KIAA1217: variants seen among roughly 807,000 people sequenced by gnomAD.
KIAA1217 encodes the protein KIAA1217.
A neutral mutation model predicts 163.9 loss-of-function variants in KIAA1217; 88 were observed. The ratio of observed to expected loss-of-function variants is 0.54; its 90% CI spans 0.45 to 0.64. The LOEUF (loss-of-function observed/expected upper bound fraction) is 0.64, where lower values mean the gene tolerates loss of function less well. Among genes scored for constraint, KIAA1217 ranks in the 30% least tolerant of loss-of-function variants. The pLI, the probability that KIAA1217 is intolerant of heterozygous loss-of-function variation, is 0.00. For synonymous variants in KIAA1217, 903 were observed against 923.1 expected, an observed-to-expected ratio of 0.98 and a Z score of 0.39; for missense variants, 2,372 against 2,475.0, an observed-to-expected ratio of 0.96 and a Z score of 0.88.
chr10:23,907,736 A>G (rs1842230593), intron 1 of KIAA1217, among the ~76,000 whole-genome samples: 1 of 152,134 alleles, frequency 6.6e-6, no homozygotes, highest in South Asian at 2.1e-4. Flanking sequence ...GTCTTCTGAA[A>G]CACCCTCACG....
At chr10:23,805,313 A>G (rs879816575) in intron 1 of KIAA1217, among the ~76,000 whole-genome samples, 10 of 152,204 alleles carry the variant, frequency 6.6e-5, no homozygotes, top group Non-Finnish European at 1.5e-4. Flanking sequence ...TCTTACAAAT[A>G]CACCACATGT....
In KIAA1217 at chr10:24,524,603, G is replaced by C; in HGVS notation, c.2737G>C (p.Val913Leu). ...LLNPAQNLPH[V>L]ASSPAVPQEA... The stretch of plus-strand genomic sequence containing the variant: ...GAACCCTGCTCAGAACTTGCCTCAC[G>C]TGGCCAGCTCCCCAGCCGTCCCCCA... The change falls in exon 13 of 21, where the codon GTG becomes CTG. Residue 913 changes from valine to leucine, a missense_variant. By Grantham distance (32) the Val-to-Leu change is conservative (BLOSUM62 1). Coordinates refer to ENST00000376454, the MANE Select transcript of KIAA1217 (RefSeq NM_019590.5). 1 of 1,613,982 alleles carries C rather than the reference G, an allele frequency of 6.2e-7. No individual in the cohort carries two copies. The highest frequency in any genetic ancestry group is 8.5e-7 in the Non-Finnish European group (1 of 1,180,024).
intron 1 of KIAA1217, among the ~76,000 whole-genome samples, chr10:23,722,754 G>A (rs1837938001): frequency 6.6e-6 from 1 of 152,172 alleles, no homozygotes; most frequent in African/African-American, 2.4e-5. Context: ...AGGTCATATA[G>A]TGCTAAGTCA....
chr10:24,472,155 C>T (rs1313907474), intron 5 of KIAA1217, among the ~76,000 whole-genome samples: 1 of 152,118 alleles, frequency 6.6e-6, no homozygotes, highest in Admixed American at 6.5e-5. Flanking sequence ...TCTTCATCCT[C>T]GTCAACTTCA....
intron 1 of KIAA1217, among the ~76,000 whole-genome samples, chr10:23,777,501 G>C (rs1835056960): frequency 6.6e-6 from 1 of 152,204 alleles, no homozygotes; most frequent in Non-Finnish European, 1.5e-5. Flanking sequence ...ACAAGACAGT[G>C]TAAGAAAGGG....
At chr10:24,493,277 C>T (rs900257447) in intron 6 of KIAA1217, among the ~76,000 whole-genome samples, 1 of 152,214 alleles carries the variant, frequency 6.6e-6, no homozygotes, top group Non-Finnish European at 1.5e-5. Flanking sequence ...GACTGAGATC[C>T]GCAGTGAGGA....
At chr10:24,387,491 T>C (rs1363855577) in intron 3 of KIAA1217, among the ~76,000 whole-genome samples, 2 of 152,158 alleles carry the variant, frequency 1.3e-5, no homozygotes, top group African/African-American at 2.4e-5. Flanking sequence ...TGAAAACTGG[T>C]AGAAGACAGG....
chr10:24,420,427 A>G (rs868566334), intron 3 of KIAA1217, among the ~76,000 whole-genome samples: 1 of 151,502 alleles, frequency 6.6e-6, no homozygotes. Context: ...TCCTTGGTAG[A>G]GCATGTGAGT....
At chr10:24,384,779 G>A (rs904284757) in intron 3 of KIAA1217, among the ~76,000 whole-genome samples, 4 of 152,156 alleles carry the variant, frequency 2.6e-5, no homozygotes, top group African/African-American at 2.4e-5. Context: ...CTCGTGATCC[G>A]CCTGCCTTGG....
intron 3 of KIAA1217, among the ~76,000 whole-genome samples, chr10:24,409,790 T>C (rs973317384): frequency 6.6e-6 from 1 of 152,074 alleles, no homozygotes; most frequent in African/African-American, 2.4e-5. Flanking sequence ...CTATCATTCT[T>C]ATGCCTTTAA....
chr10:24,050,364 T>C (rs1384735065), intron 2 of KIAA1217, among the ~76,000 whole-genome samples: 3 of 152,188 alleles, frequency 2.0e-5, no homozygotes, highest in Middle Eastern at 3.2e-3. Flanking sequence ...GGTGTTTTAG[T>C]CATGAAGTCT....
intron 1 of KIAA1217, among the ~76,000 whole-genome samples, chr10:24,000,034 C>A (rs72773134): frequency 3.2e-4 from 49 of 152,266 alleles, no homozygotes; most frequent in Admixed American, 1.1e-3. Flanking sequence ...CCACTGCAGT[C>A]CAGCCTGGGT....
intron 1 of KIAA1217, among the ~76,000 whole-genome samples, chr10:23,988,263 C>T (rs746170756): frequency 7.9e-5 from 12 of 152,158 alleles, no homozygotes; most frequent in Non-Finnish European, 1.2e-4. Context: ...TGTTGCTCCG[C>T]GAGCAGGCGT....
chr10:24,098,456 C>G (rs769789418), intron 2 of KIAA1217, among the ~76,000 whole-genome samples: 1 of 152,112 alleles, frequency 6.6e-6, no homozygotes, highest in Non-Finnish European at 1.5e-5. Context: ...CACTGAGGCT[C>G]TAGATGGATT....
At chr10:24,147,006 TAAAAAAAAAAAA>T (rs755857019) in intron 2 of KIAA1217, among the ~76,000 whole-genome samples, 4 of 110,724 alleles carry the variant, frequency 3.6e-5, no homozygotes, top group Admixed American at 1.9e-4. Flanking sequence ...TTTGTTTTGT[TAAAAAAAAAAAA>T]AAAAAAAAAA....
At chr10:24,048,534 C>A (rs1849218330) in intron 2 of KIAA1217, among the ~76,000 whole-genome samples, 1 of 151,534 alleles carries the variant, frequency 6.6e-6, no homozygotes, top group African/African-American at 2.4e-5. Flanking sequence ...AGTTTGAGAT[C>A]AGCCTGGCCA....
intron 5 of KIAA1217, among the ~76,000 whole-genome samples, chr10:24,462,047 C>T (rs75977457): frequency 0.082 from 12,487 of 151,750 alleles, 647 homozygotes; most frequent in East Asian, 0.18. Context: ...TTTGTGCATG[C>T]TTCTGTGTGT....
intron 1 of KIAA1217, among the ~76,000 whole-genome samples, chr10:23,942,819 A>G (rs1843837157): frequency 6.6e-6 from 1 of 152,142 alleles, no homozygotes; most frequent in Non-Finnish European, 1.5e-5. Context: ...TGTCAAGAAA[A>G]AGAAACAGTC....
chr10:24,422,545 G>C (rs1390369949), intron 3 of KIAA1217, among the ~76,000 whole-genome samples: 1 of 152,096 alleles, frequency 6.6e-6, no homozygotes, highest in Non-Finnish European at 1.5e-5. Flanking sequence ...CTTCTTCATG[G>C]ACAAGTTTCT....
Sources: allele counts gnomAD v4.1 joint callset (sites outside exome capture counted in the v4.1 genomes callset), GRCh38; gene constraint gnomAD v4.1.1; transcripts MANE v1.5; gene names NCBI Gene and HGNC (gene_info 2026-07-23, HGNC 2026-07-21).